Variants in PCDHA1 observed in about 807,000 individuals in gnomAD.
PCDHA1 encodes the protein protocadherin alpha-1.
A neutral mutation model predicts 61.3 loss-of-function variants in PCDHA1; 42 were observed. The ratio of observed to expected loss-of-function variants is 0.69; its 90% confidence interval spans 0.54 to 0.89. The LOEUF is 0.89. PCDHA1 is among the 40% of genes least tolerant of loss of function. PCDHA1 has a pLI of 0.00. For synonymous variants in PCDHA1, 610 were observed against 553.8 expected, an observed-to-expected ratio of 1.10 and a Z score of -1.43; for missense variants, 1,256 against 1,235.3, an observed-to-expected ratio of 1.02 and a Z score of -0.25.
intron 3 of PCDHA1, among the ~76,000 whole-genome samples, chr5:140,982,795 A>G (rs1011948194): frequency 3.3e-5 from 5 of 151,516 alleles, no homozygotes; most frequent in African/African-American, 1.2e-4. Context: ...GCATGTGTGC[A>G]TGTGTGTGTG....
Position 141,011,938 on chromosome 5 carries a change from T to TA in PCDHA1, c.*2008dup, listed in dbSNP as rs1489019865. 2.6e-5 allele frequency: 4 copies of TA among 153,644 alleles called. No individual in the cohort carries two copies. The highest frequency in any genetic ancestry group is 6.5e-5 in the Admixed American group (1 of 15,278). The allele number at this position is 153,644 out of a possible 1,614,324, so 9.5% of individuals were successfully genotyped here. A position where few individuals can be genotyped will look rare whatever the true frequency, so the allele number is the denominator to read the frequency against. ...ATAAAAGAGGTAGGAGTCTGTTATT[T>TA]AAAAAAAGCATTAAATTTAAAAAAA... On this transcript the variant is annotated 3_prime_UTR_variant, in exon 4 of 4. Transcript: ENST00000504120.
In PCDHA1 at chr5:140,929,213, A is replaced by T. The variant is rs199608631; in HGVS notation, c.2395-49736A>T. On this transcript the variant is annotated intron_variant, in intron 1 of 3. Coordinates refer to ENST00000504120, the MANE Select transcript of PCDHA1 (RefSeq NM_018900.4). ...AATAACAGTTTGCTGTTGCGTGGGG[A>T]GTACAATGCTGCCGACCTGCGAAAT... 3 of 1,614,052 alleles carry T rather than the reference A, an allele frequency of 1.9e-6. No homozygotes were observed. The East Asian group carries it at 6.7e-5, about 36-fold the overall frequency.
rs1336246747 is a variant in PCDHA1, at chr5:140,787,866, G to T, written c.1576G>T (p.Glu526Ter). 6.2e-7 allele frequency: 1 copy of T among 1,612,994 alleles called. No homozygotes were observed. The highest frequency in any genetic ancestry group is 2.2e-5 in the East Asian group (1 of 44,882). Residue 526 changes from glutamate (E) to a stop codon, truncating the protein, a stop_gained, in exon 1 of 4, where the codon GAG (glutamate) becomes TAG (stop). Transcript: ENST00000504120. LOFTEE classifies it high-confidence loss of function. Reference sequence around the variant, plus strand: ...GTACGCACTGCAGCCCCTGGACCACGAGGAGCTGGAGCTGCTGCAGTTCCA... The same window carrying T: ...GTACGCACTGCAGCCCCTGGACCACTAGGAGCTGGAGCTGCTGCAGTTCCA... ...KVYALQPLDHEELELLQFQVS... is the reference protein window; with the variant it reads ...KVYALQPLDH
At chr5:140,825,234 G>C (rs1554130170) in intron 1 of PCDHA1, 2 of 150,892 alleles carry the variant, frequency 1.3e-5, no homozygotes, top group African/African-American at 4.9e-5. Context: ...CTTTTATCTG[G>C]ATCTATGGTG....
intron 1 of PCDHA1, among the ~76,000 whole-genome samples, chr5:140,977,958 C>T (rs1912706): frequency 0.036 from 5,518 of 152,194 alleles, 299 homozygotes; most frequent in African/African-American, 0.12. Context: ...AGGGCCACCT[C>T]AATCTCCGCC....
chr5:140,888,263 A>G (rs1251792046), intron 1 of PCDHA1, among the ~76,000 whole-genome samples: 1 of 152,136 alleles, frequency 6.6e-6, no homozygotes, highest in East Asian at 1.9e-4. Flanking sequence ...GTTCTTGATA[A>G]GAAACAGTTT....
chr5:141,003,425 C>A (rs1344914063), intron 3 of PCDHA1, among the ~76,000 whole-genome samples: 1 of 152,138 alleles, frequency 6.6e-6, no homozygotes, highest in Non-Finnish European at 1.5e-5. Context: ...GATTCTTATG[C>A]CTCAGCCTCC....
rs1338866234 is a variant in PCDHA1 at position 141,009,892 on chromosome 5, GAA to G, written c.2813_2814del (p.Lys938ArgfsTer8). ...AGAAGAAGGGTAACAAGACCCAGGA[GAA>G]AAAAGAGAAAGGGAACAGCACGACT... ...KKKKGNKTQE[K>X]KEKGNSTTDN... On this transcript the variant is annotated frameshift_variant, in exon 4 of 4. Coordinates refer to ENST00000504120, the MANE Select transcript of PCDHA1 (RefSeq NM_018900.4). LOFTEE classifies it high-confidence loss of function. The G allele has an allele frequency of 3.7e-6, 6 of 1,612,022 alleles. No individual in the cohort carries two copies. The Admixed American group carries it at 1.0e-4, about 27-fold the overall frequency.
At chr5:140,960,551 G>T (rs2095555454) in intron 1 of PCDHA1, among the ~76,000 whole-genome samples, 1 of 152,102 alleles carries the variant, frequency 6.6e-6, no homozygotes, top group Admixed American at 6.5e-5. Flanking sequence ...CCTTCATATA[G>T]ACTGAGCTTA....
At chr5:140,876,418 T>G in intron 1 of PCDHA1, 1 of 1,613,982 alleles carries the variant, frequency 6.2e-7, no homozygotes, top group African/African-American at 1.3e-5. Context: ...GAATAATGCC[T>G]ATGAAATTCA....
intron 1 of PCDHA1, among the ~76,000 whole-genome samples, chr5:140,791,035 A>G (rs1220291997): frequency 6.6e-6 from 1 of 152,224 alleles, no homozygotes; most frequent in Non-Finnish European, 1.5e-5. Context: ...AGTTAACACA[A>G]CTTTCAACAG....
chr5:140,797,619 C>G (rs1214077276), intron 1 of PCDHA1: 1 of 488,920 alleles, frequency 2.0e-6, no homozygotes, highest in African/African-American at 2.0e-5. Flanking sequence ...AAAAACACCT[C>G]AGCAAAATTT....
intron 1 of PCDHA1, among the ~76,000 whole-genome samples, chr5:140,826,648 C>G (rs1181948430): frequency 1.3e-5 from 2 of 152,006 alleles, no homozygotes; most frequent in African/African-American, 4.8e-5. Context: ...ATGAAGGTAA[C>G]ATTTTTGCAA....
rs782375835 is a variant in PCDHA1, at chr5:140,787,398, G to C, written c.1108G>C (p.Ala370Pro). 5 of 1,614,178 alleles carry C rather than the reference G, an allele frequency of 3.1e-6. No individual in the cohort carries two copies. In the South Asian group the frequency reaches 3.3e-5, roughly 11 times the overall value. Residue 370 changes from alanine to proline, a missense_variant, in exon 1 of 4, where the codon GCC becomes CCC. Coordinates refer to ENST00000504120, the MANE Select transcript of PCDHA1 (RefSeq NM_018900.4). ...REDAPLSTVI[A>P]LITVSDRDSG... is the part of the protein sequence containing the mutation. ...GGACGCTCCACTCAGCACCGTCATC[G>C]CCCTCATCACCGTGTCTGACCGTGA... is the stretch of plus-strand genomic sequence containing the variant.
chr5:140,972,290 C>T (rs1331683497), intron 1 of PCDHA1, among the ~76,000 whole-genome samples: 1 of 151,820 alleles, frequency 6.6e-6, no homozygotes, highest in African/African-American at 2.4e-5. Flanking sequence ...TAGATGTGCG[C>T]CACCGTGTCT....
At chr5:140,970,156 T>C (rs933887683) in intron 1 of PCDHA1, among the ~76,000 whole-genome samples, 6 of 152,188 alleles carry the variant, frequency 3.9e-5, no homozygotes, top group African/African-American at 1.4e-4. Context: ...CTCCCAATAG[T>C]CACCTTTCTT....
At chr5:140,825,903 A>G (rs1486709697) in intron 1 of PCDHA1, 1 of 152,468 alleles carries the variant, frequency 6.6e-6, no homozygotes, top group Non-Finnish European at 1.5e-5. Flanking sequence ...TGTATGTTTG[A>G]GACTACGCTA....
intron 1 of PCDHA1, chr5:140,828,135 T>C (rs1769546184): frequency 1.2e-6 from 2 of 1,613,866 alleles, no homozygotes; most frequent in East Asian, 4.5e-5. Flanking sequence ...CAATGTCTGC[T>C]CCTCCCGCTT....
At chr5:140,907,846 C>T (rs2073638181) in intron 1 of PCDHA1, among the ~76,000 whole-genome samples, 1 of 152,246 alleles carries the variant, frequency 6.6e-6, no homozygotes, top group Admixed American at 6.5e-5. Flanking sequence ...TTAAAATCCT[C>T]CTCTGCTGAG....
Sources: gnomAD v4.1 joint callset for allele counts (sites outside exome capture counted in the v4.1 genomes callset) on GRCh38, gnomAD v4.1.1 for gene constraint, MANE v1.5 for transcripts, NCBI Gene and HGNC (gene_info 2026-07-23, HGNC 2026-07-21) for gene names.